The following TPM1 variants were observed in gnomAD, a reference collection of about 807,000 sequenced individuals.
TPM1 encodes tropomyosin 1.
A neutral mutation model predicts 42.9 loss-of-function variants in TPM1; 24 were observed. That is an observed-to-expected ratio of 0.56 (90% CI 0.41 to 0.79). The LOEUF (loss-of-function observed/expected upper bound fraction) is 0.79, where lower values mean the gene tolerates loss of function less well. TPM1 is among the 30% of genes least tolerant of loss of function. TPM1 has a pLI of 0.00. For missense variants in TPM1, 158 were observed against 351.8 expected, an observed-to-expected ratio of 0.45 and a Z score of 4.41; for synonymous variants, 136 against 130.1, an observed-to-expected ratio of 1.05 and a Z score of -0.31.
exon 9 of TPM1, chr15:63,071,425 TAGTC>T (rs2036602275): frequency 2.3e-6 from 1 of 441,720 alleles, no homozygotes; most frequent in Non-Finnish European, 4.2e-6. Flanking sequence ...ACAGTGTGCT[TAGTC>T]AGCGTAGGAA....
chr15:63,062,371 A>G (rs2035754383), intron 7 of TPM1, 94 bp downstream of exon 7: 1 of 1,397,732 alleles, frequency 7.2e-7, no homozygotes, highest in Non-Finnish European at 1.0e-6. Context: ...AGTTCCAATG[A>G]TCCAAGTCAG....
At chr15:63,065,808 C>T in intron 9 of TPM1, 88 bp from the exon 10 acceptor site, 1 of 1,467,676 alleles carries the variant, frequency 6.8e-7, no homozygotes, top group South Asian at 1.2e-5. Context: ...TTCAAGTGCT[C>T]TCATCTATTG....
In TPM1 at chr15:63,057,101, A is replaced by G; in HGVS notation, c.357A>G (p.Ala119=). 1 of 1,614,230 alleles carries G rather than the reference A, an allele frequency of 6.2e-7. No individual in the cohort carries two copies. Among genetic ancestry groups the G allele is most frequent in the Non-Finnish European group, 8.5e-7 (1 of 1,180,024 alleles). The change falls in exon 3 of 10, where the codon GCA becomes GCG. Residue 119 remains alanine (A), a synonymous_variant. Coordinates refer to ENST00000403994, the MANE Select transcript of TPM1 (RefSeq NM_001018005.2). ...ALQKLEEAEK[A]ADESERGMKV... Reference sequence around the variant, plus strand: ...AGAAGCTGGAGGAAGCTGAGAAGGCAGCAGATGAGAGTGAGAGGTGAGAAT... The same window carrying G: ...AGAAGCTGGAGGAAGCTGAGAAGGCGGCAGATGAGAGTGAGAGGTGAGAAT...
At chr15:63,049,012 A>G (rs1166525610) in intron 2 of TPM1, 2 of 392,724 alleles carry the variant, frequency 5.1e-6, no homozygotes, top group Admixed American at 4.4e-5. Flanking sequence ...GGTGGCTTTC[A>G]GTCGTGTCTG....
chr15:63,051,231 A>G (rs547681318), intron 2 of TPM1, among the ~76,000 whole-genome samples: 19 of 152,366 alleles, frequency 1.2e-4, no homozygotes, highest in African/African-American at 4.3e-4. Context: ...TGATTAAATC[A>G]TGGGAAATAA....
At chr15:63,059,494 A>G in intron 3 of TPM1, 69 bp from the exon 4 acceptor site, 1 of 1,249,436 alleles carries the variant, frequency 8.0e-7, no homozygotes, top group South Asian at 1.2e-5. Context: ...CACAAGCCAC[A>G]GCAGTGCAGT....
intron 3 of TPM1, among the ~76,000 whole-genome samples, chr15:63,058,478 G>C (rs570864104): frequency 2.0e-5 from 3 of 152,072 alleles, no homozygotes; most frequent in African/African-American, 7.2e-5. Flanking sequence ...GGGCCGAGGC[G>C]GGCAGATCAC....
chr15:63,050,570 T>G (rs2033653500), intron 2 of TPM1, among the ~76,000 whole-genome samples: 1 of 152,280 alleles, frequency 6.6e-6, no homozygotes, highest in African/African-American at 2.4e-5. Context: ...CTGTGCCAGT[T>G]GGCTAAAGAT....
chr15:63,069,159 CAAAA>C (rs963263318), downstream of TPM1, among the ~76,000 whole-genome samples: 12 of 151,904 alleles, frequency 7.9e-5, no homozygotes, highest in African/African-American at 2.9e-4. Context: ...TCTCAAAAAA[CAAAA>C]AAAGCAAGCA....
intron 7 of TPM1, 131 bp downstream of exon 7, chr15:63,062,408 T>G (rs2035760106): frequency 1.6e-6 from 2 of 1,270,620 alleles, no homozygotes; most frequent in Non-Finnish European, 2.3e-6. Context: ...CCTTGGAGTT[T>G]ATGTACTGTG....
At chr15:63,052,684 C>T (rs1004219468) in intron 2 of TPM1, among the ~76,000 whole-genome samples, 6 of 151,628 alleles carry the variant, frequency 4.0e-5, no homozygotes, top group Non-Finnish European at 5.9e-5. Flanking sequence ...GGGCTTGTAC[C>T]GGCAGAGGCA....
rs181555503 is a variant in TPM1, at chr15:63,049,834, C to T, written c.240+5682C>T. Among the ~76,000 whole-genome samples the T allele has an allele frequency of 4.6e-5, 7 of 152,254 alleles. No individual in the cohort carries two copies. In the East Asian group the frequency reaches 1.4e-3, roughly 29 times the overall value. On this transcript the variant is annotated intron_variant, in intron 2 of 9. Coordinates refer to ENST00000403994, the MANE Select transcript of TPM1 (RefSeq NM_001018005.2). ...AATTCTCAGTATTTGCTTTATAGGACGAGTCAGCAAAAGTCCTGTGGATAT... is the reference window on the plus strand; with the variant it reads ...AATTCTCAGTATTTGCTTTATAGGATGAGTCAGCAAAAGTCCTGTGGATAT...
chr15:63,064,444 CAAGT>C (rs2036043599), intron 9 of TPM1: 2 of 1,196,520 alleles, frequency 1.7e-6, no homozygotes, highest in East Asian at 4.4e-5. Flanking sequence ...AAGCTAAACT[CAAGT>C]AAAACTAGAA....
intron 2 of TPM1, 133 bp from the exon 3 acceptor site, chr15:63,056,852 G>C: frequency 8.5e-7 from 1 of 1,181,672 alleles, no homozygotes; most frequent in Non-Finnish European, 1.3e-6. Flanking sequence ...ATGAGGGCTT[G>C]TAATGCACTT....
At chr15:63,064,925 C>T in intron 9 of TPM1, 1 of 896,152 alleles carries the variant, frequency 1.1e-6, no homozygotes, top group East Asian at 1.2e-4. Context: ...CGAGATCGCA[C>T]CACCGCACTC....
At chr15:63,049,157 CTTGGGG>C in intron 2 of TPM1, 2 of 202,486 alleles carry the variant, frequency 9.9e-6, no homozygotes, top group South Asian at 5.8e-5. Context: ...GCACTGTGGA[CTTGGGG>C]CCCGGGGATG....
At chr15:63,065,872 T>G in intron 9 of TPM1, 24 bp from the exon 10 acceptor site, 1 of 1,601,688 alleles carries the variant, frequency 6.2e-7, no homozygotes, top group Non-Finnish European at 8.5e-7. Context: ...TTTTTTTTCC[T>G]CCCACCTTTT....
At chr15:63,048,870 G>A (rs761862357) in intron 2 of TPM1, 4 of 910,454 alleles carry the variant, frequency 4.4e-6, no homozygotes, top group South Asian at 4.3e-5. Flanking sequence ...GCTCTGGGGA[G>A]GGGCCCGGCC....
chr15:63,066,781 ATTTGT>A (rs1048923589), downstream of TPM1, among the ~76,000 whole-genome samples: 51 of 152,044 alleles, frequency 3.4e-4, no homozygotes, highest in Admixed American at 2.9e-3. Flanking sequence ...TTTAGTCGTG[ATTTGT>A]TTTGTGCTTT....
Sources: allele counts gnomAD v4.1 joint callset (sites outside exome capture counted in the v4.1 genomes callset), GRCh38; gene constraint gnomAD v4.1.1; transcripts MANE v1.5; gene names NCBI Gene and HGNC (gene_info 2026-07-23, HGNC 2026-07-21).